The following RGS7 variants were observed in gnomAD, a reference collection of about 807,000 sequenced individuals.
RGS7 encodes regulator of G-protein signaling 7.
Under a neutral mutation model 81.1 loss-of-function variants are expected in RGS7, and 27 were observed. That is an observed-to-expected ratio of 0.33 (90% CI 0.25 to 0.46). RGS7 has a LOEUF of 0.46. Ranked by LOEUF, RGS7 falls within the 20% of genes least tolerant of loss-of-function variation. The pLI is 1.00. For missense variants in RGS7, 396 were observed against 607.4 expected (o/e 0.65, Z 3.66); for synonymous variants, 208 against 207.7 (o/e 1.00, Z -0.01).
At chr1:241,324,720 C>T (rs989991642) in intron 2 of RGS7, among the ~76,000 whole-genome samples, 9 of 152,154 alleles carry the variant, frequency 5.9e-5, no homozygotes, top group African/African-American at 2.2e-4. Flanking sequence ...ATGGTCCTTC[C>T]TCATATCTAT....
chr1:240,839,485 A>G (rs1469288419), intron 9 of RGS7, among the ~76,000 whole-genome samples: 1 of 152,230 alleles, frequency 6.6e-6, no homozygotes, highest in Non-Finnish European at 1.5e-5. Flanking sequence ...ACAAGTTCTC[A>G]TGATATATTT....
At chr1:241,009,866 C>A (rs1337165021) in intron 3 of RGS7, among the ~76,000 whole-genome samples, 2 of 152,114 alleles carry the variant, frequency 1.3e-5, no homozygotes, top group African/African-American at 2.4e-5. Context: ...TGGGGTAGTA[C>A]CTAGTAAGAC....
intron 2 of RGS7, among the ~76,000 whole-genome samples, chr1:241,102,247 A>C (rs1008544466): frequency 4.6e-5 from 7 of 151,784 alleles, no homozygotes; most frequent in Admixed American, 1.3e-4. Flanking sequence ...CATAAAAAAA[A>C]CCCCTGCTTT....
intron 9 of RGS7, among the ~76,000 whole-genome samples, chr1:240,861,509 T>G (rs1453729598): frequency 6.6e-6 from 1 of 152,192 alleles, no homozygotes; most frequent in South Asian, 2.1e-4. Context: ...AATTTATCAT[T>G]TGCATCATTA....
At chr1:241,061,681 G>A (rs1035118138) in intron 3 of RGS7, among the ~76,000 whole-genome samples, 4 of 152,142 alleles carry the variant, frequency 2.6e-5, no homozygotes, top group African/African-American at 9.7e-5. Context: ...GTCAAAAGGA[G>A]GGATGCCTGA....
rs2069916520 is a variant in RGS7 at position 241,163,605 on chromosome 1, A to G, written c.79-64843T>C. ...CGGCTACCTGTGAGATTTCATCTACATAACAAGTGATCTTTGCTAGCCAGG... is the reference window on the plus strand; with the variant it reads ...CGGCTACCTGTGAGATTTCATCTACGTAACAAGTGATCTTTGCTAGCCAGG... On this transcript the variant is annotated intron_variant, in intron 2 of 18. Transcript: ENST00000440928. The surrounding 1 kb of genome is among the most constrained non-coding windows in gnomAD (Gnocchi z 4.6). 6.6e-6 allele frequency among the ~76,000 whole-genome samples: 1 copy of G among 152,082 alleles called. No homozygotes were observed. Among genetic ancestry groups the G allele is most frequent in the African/African-American group, 2.4e-5 (1 of 41,352 alleles).
At chr1:241,330,291 T>C (rs2081894359) in intron 2 of RGS7, among the ~76,000 whole-genome samples, 1 of 152,212 alleles carries the variant, frequency 6.6e-6, no homozygotes, top group Non-Finnish European at 1.5e-5. Flanking sequence ...TCATCTGATA[T>C]GACCTGCTAT....
chr1:241,070,155 G>A (rs1015059366), intron 3 of RGS7, among the ~76,000 whole-genome samples: 1 of 152,150 alleles, frequency 6.6e-6, no homozygotes, highest in Non-Finnish European at 1.5e-5. Flanking sequence ...GAGGTGAAGA[G>A]ACATAACATC....
intron 3 of RGS7, among the ~76,000 whole-genome samples, chr1:241,088,982 C>T (rs1433686870): frequency 3.5e-5 from 5 of 143,702 alleles, no homozygotes; most frequent in Non-Finnish European, 4.5e-5. Context: ...GTTGAGACTG[C>T]GCGACTGCAC....
chr1:241,328,636 C>T (rs145728731), intron 2 of RGS7, among the ~76,000 whole-genome samples: 186 of 152,342 alleles, frequency 1.2e-3, no homozygotes, highest in Admixed American at 2.1e-3. Flanking sequence ...GGTATCATGG[C>T]TGTCTGTTTT....
At chr1:241,135,550 A>C (rs929580723) in intron 2 of RGS7, among the ~76,000 whole-genome samples, 1 of 152,050 alleles carries the variant, frequency 6.6e-6, no homozygotes, top group East Asian at 1.9e-4. Context: ...TGCCTCCCCT[A>C]TCTTTTTGCA....
At chr1:241,332,210 G>C (rs1170773280) in intron 2 of RGS7, among the ~76,000 whole-genome samples, 1 of 152,120 alleles carries the variant, frequency 6.6e-6, no homozygotes, top group African/African-American at 2.4e-5. Context: ...GTCTAGAGGA[G>C]GCCCACAGGA....
chr1:241,126,218 C>T (rs541230524), intron 2 of RGS7, among the ~76,000 whole-genome samples: 2 of 151,876 alleles, frequency 1.3e-5, no homozygotes, highest in Admixed American at 6.6e-5. Flanking sequence ...GGTGCAATCT[C>T]GGCTCAATGC....
intron 2 of RGS7, among the ~76,000 whole-genome samples, chr1:241,300,104 G>C (rs2079655634): frequency 6.6e-6 from 1 of 151,440 alleles, no homozygotes; most frequent in Non-Finnish European, 1.5e-5. Flanking sequence ...GATAGAGCAA[G>C]ACCATGTCTC....
At chr1:241,093,933 T>G (rs2148938628) in intron 3 of RGS7, among the ~76,000 whole-genome samples, 1 of 152,308 alleles carries the variant, frequency 6.6e-6, no homozygotes, top group Non-Finnish European at 1.5e-5. Flanking sequence ...GGGAAAAGTT[T>G]AAGCTAGAAA....
chr1:241,225,828 T>C (rs185844740), intron 2 of RGS7, among the ~76,000 whole-genome samples: 7 of 152,236 alleles, frequency 4.6e-5, no homozygotes, highest in Non-Finnish European at 1.0e-4. Flanking sequence ...AAGAACTGTA[T>C]GCCAGCTTTC....
rs768663373 is a variant in RGS7 at position 240,801,526 on chromosome 1, G to A, written c.1360-18C>T. The A allele has an allele frequency of 2.5e-6, 4 of 1,573,086 alleles. No homozygotes were observed. Among genetic ancestry groups the A allele is most frequent in the Non-Finnish European group, 3.5e-6 (4 of 1,143,250 alleles). Reference sequence around the variant, plus strand: ...TTTCCAGACTTACGTATGTGGGGTAGGATAGGATGAAGGGAAATAAGGGAA... The same window carrying A: ...TTTCCAGACTTACGTATGTGGGGTAAGATAGGATGAAGGGAAATAAGGGAA... On this transcript the variant is annotated intron_variant, in intron 16 of 18. Coordinates refer to ENST00000440928, the MANE Select transcript of RGS7 (RefSeq NM_001364886.1).
chr1:241,005,605 G>A (rs146844496), intron 3 of RGS7, among the ~76,000 whole-genome samples: 1,906 of 151,410 alleles, frequency 0.013, 40 homozygotes, highest in African/African-American at 0.04. Flanking sequence ...GTGTGATCTC[G>A]GCTCGCTGCA....
rs180804794 is a variant in RGS7 at position 240,998,339 on chromosome 1, T to A, written c.176-15210A>T. On this transcript the variant is annotated intron_variant, in intron 3 of 18. Coordinates refer to ENST00000440928, the MANE Select transcript of RGS7 (RefSeq NM_001364886.1). ...TTGGGCTTCTCTCAGCTTCTTCAAC[T>A]GAAGGTTTATATCTTTGCTATGCTT... 1.8e-3 allele frequency: 830 copies of A among 457,062 alleles called. 1 individual carries two copies. Among genetic ancestry groups the A allele is most frequent in the Non-Finnish European group, 2.4e-3 (620 of 255,832 alleles). The allele number at this position is 457,062 out of a possible 1,614,324, so 28.3% of individuals were successfully genotyped here. A position where few individuals can be genotyped will look rare whatever the true frequency, so the allele number is the denominator to read the frequency against.
Sources: allele counts gnomAD v4.1 joint callset (sites outside exome capture counted in the v4.1 genomes callset), GRCh38; gene constraint gnomAD v4.1.1; non-coding constraint Gnocchi (gnomAD v3.1); transcripts MANE v1.5; gene names NCBI Gene and HGNC (gene_info 2026-07-23, HGNC 2026-07-21).